COP1: variants seen among roughly 807,000 people sequenced by gnomAD.
COP1 encodes the protein E3 ubiquitin-protein ligase COP1.
Under a neutral mutation model 101.3 loss-of-function variants are expected in COP1, and 24 were observed. The observed-to-expected ratio is 0.24, with a 90% confidence interval of 0.17 to 0.33. The LOEUF (loss-of-function observed/expected upper bound fraction) is 0.33. Ranked by LOEUF, COP1 falls within the 10% of genes least tolerant of loss-of-function variation. The pLI, the probability that COP1 is intolerant of heterozygous loss-of-function variation, is 1.00. For synonymous variants in COP1, 347 were observed against 341.9 expected, an observed-to-expected ratio of 1.01 and a Z score of -0.17; for missense variants, 663 against 906.2, an observed-to-expected ratio of 0.73 and a Z score of 3.45.
chr1:176,099,652 C>T (rs1238479399), intron 9 of COP1, among the ~76,000 whole-genome samples: 3 of 152,090 alleles, frequency 2.0e-5, no homozygotes, highest in African/African-American at 7.2e-5. Flanking sequence ...CTGGATGCAA[C>T]TGGAGAAATG....
chr1:176,083,783 G>T (rs1679621860), intron 10 of COP1, among the ~76,000 whole-genome samples: 1 of 152,258 alleles, frequency 6.6e-6, no homozygotes, highest in Non-Finnish European at 1.5e-5. Context: ...CCGTTTCAGA[G>T]AAGTTAAAAT....
chr1:175,974,585 T>C (rs971539848), intron 18 of COP1, among the ~76,000 whole-genome samples: 2 of 152,100 alleles, frequency 1.3e-5, no homozygotes, highest in South Asian at 2.1e-4. Context: ...AAGGGGTTGA[T>C]GGAAAAGATA....
rs575033521 is a variant in COP1 at position 176,030,130 on chromosome 1, T to A, written c.1613-2442A>T. 5.9e-5 allele frequency among the ~76,000 whole-genome samples: 9 copies of A among 152,270 alleles called. No homozygotes were observed. The East Asian group carries it at 1.4e-3, about 23-fold the overall frequency. On this transcript the variant is annotated intron_variant, in intron 14 of 19. Transcript: ENST00000367669. ...CCACGCCTGGCTAATATATTTTTTT[T>A]AAAGTAGAGATGGAGTAAGATTTTT...
At chr1:176,185,165 T>C (rs1379928647) in intron 1 of COP1, among the ~76,000 whole-genome samples, 1 of 152,070 alleles carries the variant, frequency 6.6e-6, no homozygotes, top group Non-Finnish European at 1.5e-5. Flanking sequence ...ATGACAACAA[T>C]CATAACAACT....
chr1:175,975,316 T>C (rs1654261980), intron 18 of COP1, among the ~76,000 whole-genome samples: 1 of 152,076 alleles, frequency 6.6e-6, no homozygotes, highest in South Asian at 2.1e-4. Flanking sequence ...GATGTGTGAG[T>C]TTGGAGTTAA....
intron 15 of COP1, among the ~76,000 whole-genome samples, chr1:176,003,378 G>T (rs1452177218): frequency 5.4e-5 from 8 of 149,190 alleles, no homozygotes; most frequent in East Asian, 3.9e-4. Context: ...GTCAATTTTG[G>T]CTTTTGTTGC....
At chr1:176,177,682 A>G (rs929169535) in intron 2 of COP1, among the ~76,000 whole-genome samples, 17 of 152,214 alleles carry the variant, frequency 1.1e-4, no homozygotes, top group African/African-American at 4.1e-4. Flanking sequence ...TACCTCTTTT[A>G]TTACGTATCC....
At chr1:176,119,810 A>G (rs1404060203) in intron 8 of COP1, among the ~76,000 whole-genome samples, 2 of 152,188 alleles carry the variant, frequency 1.3e-5, no homozygotes, top group African/African-American at 4.8e-5. Flanking sequence ...TTTACTATGC[A>G]CTAACCTAAA....
At chr1:176,000,710 A>T (rs942293821) in intron 15 of COP1, among the ~76,000 whole-genome samples, 2 of 151,640 alleles carry the variant, frequency 1.3e-5, no homozygotes, top group African/African-American at 4.8e-5. Flanking sequence ...ATATGGTAGA[A>T]TTTTTACATG....
chr1:175,971,010 G>T (rs1653129119), intron 18 of COP1, among the ~76,000 whole-genome samples: 1 of 152,162 alleles, frequency 6.6e-6, no homozygotes, highest in Admixed American at 6.5e-5. Context: ...GGAAGGAACA[G>T]AAATGAGGAG....
At chr1:176,184,123 C>T (rs900414134) in intron 2 of COP1, among the ~76,000 whole-genome samples, 2 of 151,706 alleles carry the variant, frequency 1.3e-5, no homozygotes, top group Admixed American at 6.6e-5. Context: ...TATATAAATT[C>T]GGTATTATGT....
At chr1:176,002,845 G>T (rs979491446) in intron 15 of COP1, among the ~76,000 whole-genome samples, 26 of 151,526 alleles carry the variant, frequency 1.7e-4, no homozygotes, top group African/African-American at 4.6e-4. Context: ...ATAGCAGCAT[G>T]ATTTATAGTC....
At chr1:176,194,151 T>C (rs1268416661) in intron 1 of COP1, among the ~76,000 whole-genome samples, 1 of 151,666 alleles carries the variant, frequency 6.6e-6, no homozygotes. Context: ...CACACAATCA[T>C]TAATAAGCAA....
intron 5 of COP1, among the ~76,000 whole-genome samples, chr1:176,159,888 G>C (rs903415405): frequency 2.0e-5 from 3 of 152,132 alleles, no homozygotes; most frequent in Non-Finnish European, 4.4e-5. Context: ...TACTTCTTAA[G>C]TCAGATCTAA....
intron 8 of COP1, among the ~76,000 whole-genome samples, chr1:176,116,954 T>C (rs920206506): frequency 1.3e-5 from 2 of 152,340 alleles, no homozygotes; most frequent in South Asian, 2.1e-4. Flanking sequence ...TATATAGATT[T>C]ACTTGTTTAT....
intron 9 of COP1, among the ~76,000 whole-genome samples, chr1:176,106,035 T>C (rs1684243202): frequency 6.6e-6 from 1 of 150,882 alleles, no homozygotes; most frequent in Non-Finnish European, 1.5e-5. Flanking sequence ...TTTTTTGTTT[T>C]GTTTTGTTTT....
rs576452134 is a variant in COP1, at chr1:176,104,649, T to C, written c.1026+11975A>G. Among the ~76,000 whole-genome samples, 5 of 152,322 alleles carry C rather than the reference T, an allele frequency of 3.3e-5. No homozygotes were observed. The South Asian group carries it at 1.0e-3, about 32-fold the overall frequency. ...GCAAAAATTAAAAACTATGAAACTT[T>C]TCAAAGTCATTCTGTTAGAGGTGCT... On this transcript the variant is annotated intron_variant, in intron 9 of 19. Transcript: ENST00000367669.
chr1:176,007,898 T>C (rs1437029059), intron 15 of COP1, among the ~76,000 whole-genome samples: 1 of 152,224 alleles, frequency 6.6e-6, no homozygotes, highest in East Asian at 1.9e-4. Flanking sequence ...GGCTGCTTTG[T>C]TTACCTAAGC....
At chr1:176,132,584 A>G (rs914667048) in intron 8 of COP1, among the ~76,000 whole-genome samples, 3 of 141,838 alleles carry the variant, frequency 2.1e-5, no homozygotes, top group Non-Finnish European at 3.1e-5. Flanking sequence ...TACTATATAT[A>G]CACACATATA....
Sources: allele counts gnomAD v4.1 joint callset (sites outside exome capture counted in the v4.1 genomes callset), GRCh38; gene constraint gnomAD v4.1.1; transcripts MANE v1.5; gene names NCBI Gene and HGNC (gene_info 2026-07-23, HGNC 2026-07-21).